The following DNAH11 variants were observed in gnomAD, a reference collection of about 807,000 sequenced individuals.
DNAH11 encodes axonemal beta dynein heavy chain 11.
DNAH11 carries 442 observed loss-of-function variants against 526.0 expected under a neutral mutation model. That is an observed-to-expected ratio of 0.84 (90% CI 0.78 to 0.91). DNAH11 has a LOEUF of 0.91. DNAH11 is among the 40% of genes least tolerant of loss of function. DNAH11 has a pLI of 0.00. For synonymous variants in DNAH11, 2,461 were observed against 1,935.9 expected, an observed-to-expected ratio of 1.27 and a Z score of -7.12; for missense variants, 6,989 against 5,448.7, an observed-to-expected ratio of 1.28 and a Z score of -8.90.
chr7:21,900,566 A>C (rs144604718), intron 81 of DNAH11, among the ~76,000 whole-genome samples: 558 of 152,268 alleles, frequency 3.7e-3, no homozygotes, highest in African/African-American at 0.013. Flanking sequence ...TATTTTCCAA[A>C]TTTATCTGGC....
intron 54 of DNAH11, among the ~76,000 whole-genome samples, chr7:21,761,877 C>G (rs938384488): frequency 6.6e-6 from 1 of 152,104 alleles, no homozygotes; most frequent in African/African-American, 2.4e-5. Context: ...CATTCTCACA[C>G]TGCTATAAAG....
chr7:21,786,197 A>C (rs1263217870), intron 58 of DNAH11, among the ~76,000 whole-genome samples: 1 of 152,150 alleles, frequency 6.6e-6, no homozygotes, highest in East Asian at 1.9e-4. Flanking sequence ...AAACAAACCT[A>C]AGAGACACTG....
In DNAH11 at chr7:21,693,266, T is replaced by C. The variant is rs114168747; in HGVS notation, c.6041+2385T>C. Among the ~76,000 whole-genome samples, 500 of 152,362 alleles carry C rather than the reference T, an allele frequency of 3.3e-3. 1 individual carries two copies. The highest frequency in any genetic ancestry group is 0.011 in the African/African-American group (448 of 41,588). On this transcript the variant is annotated intron_variant, in intron 35 of 81. Coordinates refer to ENST00000409508, the MANE Select transcript of DNAH11 (RefSeq NM_001277115.2). ...TATTCTGTTAATGTGCTGAACTATA[T>C]TGATTGATTTTCAAATGCTAAACAG...
chr7:21,598,919 C>T (rs570118861), intron 14 of DNAH11, among the ~76,000 whole-genome samples: 62 of 152,296 alleles, frequency 4.1e-4, no homozygotes, highest in African/African-American at 1.2e-3. Context: ...GACATGATCT[C>T]GTTGTTTTTT....
intron 28 of DNAH11, among the ~76,000 whole-genome samples, chr7:21,642,412 G>A (rs1414616813): frequency 2.0e-5 from 3 of 152,094 alleles, no homozygotes; most frequent in Non-Finnish European, 4.4e-5. Context: ...CTGAATTCTT[G>A]CTCACTAACT....
At position 21,744,389 on chromosome 7, in the gene DNAH11, T is replaced by C. The variant is rs764059794; in HGVS notation, c.8155-49T>C. 8.8e-6 allele frequency: 14 copies of C among 1,582,240 alleles called. No homozygotes were observed. The East Asian group carries it at 2.9e-4, about 33-fold the overall frequency. ...TAAAAAGTGTTAAACTCATTTGACA[T>C]GTCATCAGCCTCTGAATTAAAGGTA... On this transcript the variant is annotated intron_variant, in intron 49 of 81. Transcript: ENST00000409508.
At chr7:21,819,996 A>T (rs1490102626) in intron 65 of DNAH11, among the ~76,000 whole-genome samples, 1 of 152,212 alleles carries the variant, frequency 6.6e-6, no homozygotes, top group Non-Finnish European at 1.5e-5. Context: ...GATTGCATGC[A>T]GTTCTTACCT....
intron 75 of DNAH11, among the ~76,000 whole-genome samples, chr7:21,882,230 C>T (rs902650231): frequency 2.0e-5 from 3 of 152,160 alleles, no homozygotes; most frequent in African/African-American, 4.8e-5. Context: ...CCAGCTCTTA[C>T]ATCCTGAGTC....
intron 55 of DNAH11, among the ~76,000 whole-genome samples, chr7:21,773,222 C>T (rs1263528098): frequency 6.6e-6 from 1 of 151,968 alleles, no homozygotes; most frequent in Non-Finnish European, 1.5e-5. Context: ...GGTTTTCTTT[C>T]CCAAATATGA....
chr7:21,760,306 C>A (rs1786843122), intron 54 of DNAH11, among the ~76,000 whole-genome samples: 1 of 152,136 alleles, frequency 6.6e-6, no homozygotes, highest in Admixed American at 6.5e-5. Flanking sequence ...AGGAGACGCA[C>A]ACACCAAGCC....
chr7:21,883,508 T>C (rs772391472), intron 75 of DNAH11, among the ~76,000 whole-genome samples: 1 of 152,246 alleles, frequency 6.6e-6, no homozygotes, highest in Non-Finnish European at 1.5e-5. Context: ...GCAAGGGGAT[T>C]TGTTTGCCTG....
chr7:21,802,967 G>A (rs1173741878), intron 62 of DNAH11, among the ~76,000 whole-genome samples: 1 of 146,040 alleles, frequency 6.8e-6, no homozygotes, highest in East Asian at 1.9e-4. Flanking sequence ...ATATAATGTA[G>A]TAAAAAACAC....
intron 54 of DNAH11, among the ~76,000 whole-genome samples, chr7:21,762,720 T>C (rs1395654710): frequency 6.6e-6 from 1 of 152,126 alleles, no homozygotes; most frequent in Non-Finnish European, 1.5e-5. Context: ...AAAAATGAAA[T>C]TGGACCTTGT....
At chr7:21,900,806 G>T in intron 81 of DNAH11, 1 of 699,086 alleles carries the variant, frequency 1.4e-6, no homozygotes, top group Non-Finnish European at 2.2e-6. Flanking sequence ...ACTACGCATG[G>T]AAGCAAAGCG....
chr7:21,873,642 C>A (rs1448939929), intron 74 of DNAH11, 141 bp downstream of exon 74: 2 of 769,368 alleles, frequency 2.6e-6, no homozygotes, highest in African/African-American at 1.8e-5. Flanking sequence ...TAGGGGTGGG[C>A]GTGTTTTAAT....
In DNAH11 at chr7:21,687,114, A is replaced by C. The variant is rs755508119; in HGVS notation, c.5637A>C (p.Leu1879Phe). The change falls in exon 33 of 82, where the codon TTA becomes TTC. Residue 1879 changes from leucine (L) to phenylalanine (F), a missense_variant. Leu to Phe is a conservative substitution (Grantham distance 22, BLOSUM62 0). Transcript: ENST00000409508. ...TTGCTTAAAGGTGTTATATTACCTT[A>C]ACTCAATCACTTCATCTAACCATGA... ...TPLTDRCYIT[L>F]TQSLHLTMSG... 1 of 1,613,124 alleles carries C rather than the reference A, an allele frequency of 6.2e-7. No individual in the cohort carries two copies. Among genetic ancestry groups the C allele is most frequent in the Non-Finnish European group, 8.5e-7 (1 of 1,179,588 alleles).
intron 2 of DNAH11, among the ~76,000 whole-genome samples, chr7:21,550,944 C>T (rs918398772): frequency 6.6e-6 from 1 of 152,144 alleles, no homozygotes; most frequent in Non-Finnish European, 1.5e-5. Context: ...TCTCCCATGG[C>T]CTGTTTTATA....
chr7:21,650,831 C>T (rs1045678399), intron 28 of DNAH11, among the ~76,000 whole-genome samples: 8 of 151,326 alleles, frequency 5.3e-5, no homozygotes, highest in African/African-American at 9.7e-5. Flanking sequence ...GTAGAGTTGG[C>T]GTTTCACCAT....
At chr7:21,711,890 A>G in intron 42 of DNAH11, 30 bp downstream of exon 42, 2 of 1,574,114 alleles carry the variant, frequency 1.3e-6, no homozygotes, top group Non-Finnish European at 1.7e-6. Context: ...TTATTGTAGT[A>G]AATTGTATGT....
Sources: gnomAD v4.1 joint callset for allele counts (sites outside exome capture counted in the v4.1 genomes callset) on GRCh38, gnomAD v4.1.1 for gene constraint, MANE v1.5 for transcripts, NCBI Gene and HGNC (gene_info 2026-07-23, HGNC 2026-07-21) for gene names.